The following ECD variants were observed in gnomAD, a reference collection of about 807,000 sequenced individuals.
ECD encodes the protein protein ecdysoneless homolog.
A neutral mutation model predicts 77.2 loss-of-function variants in ECD; 59 were observed. That is an observed-to-expected ratio of 0.76 (90% CI 0.62 to 0.95). The LOEUF is 0.95. Among genes scored for constraint, ECD ranks in the 40% least tolerant of loss-of-function variants. The probability of loss-of-function intolerance (pLI) is 0.00; values close to 1 mark genes in which losing one functional copy is unlikely to be tolerated. For missense variants in ECD, 704 were observed against 763.4 expected, an observed-to-expected ratio of 0.92 and a Z score of 0.92; for synonymous variants, 233 against 267.4, an observed-to-expected ratio of 0.87 and a Z score of 1.26.
chr10:73,139,568 C>T lies in ECD; in HGVS notation c.1234+63G>A, dbSNP rs193279143. ...CCTCTTAGGAGAGGATCCTGTGAGA[C>T]TGAGTAGAACATTTTAATTTTTTTT... On this transcript the variant is annotated intron_variant, in intron 10 of 13. Coordinates refer to ENST00000372979, the MANE Select transcript of ECD (RefSeq NM_007265.3). 336 of 1,584,646 alleles carry T rather than the reference C, an allele frequency of 2.1e-4. 3 individuals carry two copies. The East Asian group carries it at 6.6e-3, about 31-fold the overall frequency.
At chr10:73,151,072 C>G (rs1238936455) in intron 7 of ECD, among the ~76,000 whole-genome samples, 3 of 152,214 alleles carry the variant, frequency 2.0e-5, no homozygotes, top group Middle Eastern at 3.4e-3. Context: ...AAGACACATG[C>G]ACACGTATGT....
At chr10:73,161,549 G>A (rs928377469) in intron 2 of ECD, among the ~76,000 whole-genome samples, 2 of 152,140 alleles carry the variant, frequency 1.3e-5, no homozygotes, top group African/African-American at 4.8e-5. Context: ...TAAGGAGATT[G>A]AATCAATAAT....
At chr10:73,156,735 T>C (rs942566236) in intron 3 of ECD, 80 bp from the exon 4 acceptor site, 5 of 1,318,534 alleles carry the variant, frequency 3.8e-6, no homozygotes, top group Admixed American at 3.5e-5. Context: ...TCTAATACAT[T>C]TTCCTCTTCA....
At position 73,154,464 on chromosome 10, in the gene ECD, TAA is replaced by T. The variant is rs1351657234; in HGVS notation, c.591-18_591-17del. ...TTCTGGGTACCTGGGACAGGTAACATAATTACTTTCATTTTACAGTATATAAA... is the reference window on the plus strand; with the variant it reads ...TTCTGGGTACCTGGGACAGGTAACATTTACTTTCATTTTACAGTATATAAA... On this transcript the variant is annotated splice_polypyrimidine_tract_variant and intron_variant, in intron 5 of 13. Transcript: ENST00000372979. The T allele has an allele frequency of 1.3e-5, 21 of 1,590,260 alleles. No individual in the cohort carries two copies. The highest frequency in any genetic ancestry group is 1.8e-5 in the Admixed American group (1 of 55,028).
In ECD at chr10:73,139,728, A is replaced by G. The variant is rs753146821; in HGVS notation, c.1137T>C (p.Ala379=). ...TTAAGATTTCTTCACCAGGGCTCATAGCAAGAGAACTATGAAAAATAAAAA... is the reference window on the plus strand; with the variant it reads ...TTAAGATTTCTTCACCAGGGCTCATGGCAAGAGAACTATGAAAAATAAAAA... ...LSVDWPESSL[A]MSPGEEILTL... Residue 379 remains alanine (A), a synonymous_variant, in exon 10 of 14, where the codon GCT becomes GCC. Coordinates refer to ENST00000372979, the MANE Select transcript of ECD (RefSeq NM_007265.3). The G allele has an allele frequency of 1.9e-6, 3 of 1,598,166 alleles. No homozygotes were observed. The South Asian group carries it at 3.4e-5, about 18-fold the overall frequency.
intron 9 of ECD, chr10:73,141,328 C>A (rs1198760014): frequency 6.6e-6 from 1 of 152,186 alleles, no homozygotes; most frequent in Non-Finnish European, 1.4e-5. Flanking sequence ...ACAGTGAAAC[C>A]CCGTCTCTAC....
At chr10:73,159,499 G>A (rs1843345949) in intron 3 of ECD, among the ~76,000 whole-genome samples, 1 of 152,182 alleles carries the variant, frequency 6.6e-6, no homozygotes, top group Admixed American at 6.5e-5. Flanking sequence ...TGGGAAGCAA[G>A]AGCAGTAGAA....
At chr10:73,155,362 G>A (rs546996612) in intron 5 of ECD, among the ~76,000 whole-genome samples, 9 of 151,766 alleles carry the variant, frequency 5.9e-5, no homozygotes, top group African/African-American at 1.7e-4. Flanking sequence ...CACCGCGCCC[G>A]GCCAAAAATA....
At chr10:73,151,799 G>C (rs1319507504) in intron 7 of ECD, among the ~76,000 whole-genome samples, 1 of 152,096 alleles carries the variant, frequency 6.6e-6, no homozygotes, top group Non-Finnish European at 1.5e-5. Context: ...TTATGTATTA[G>C]AGAAGTCAGC....
At chr10:73,154,051 C>T (rs1252614325) in intron 6 of ECD, among the ~76,000 whole-genome samples, 1 of 152,128 alleles carries the variant, frequency 6.6e-6, no homozygotes, top group East Asian at 1.9e-4. Flanking sequence ...ATCTGAAATA[C>T]TTCTAGTCCC....
In ECD at chr10:73,148,341, G is replaced by A. The variant is rs1184004942; in HGVS notation, c.976C>T (p.Leu326Phe). ...GCCCAGAGTGGTGAGGCAGTCACAA[G>A]GGATTTCTTGCAGTCAGAAAAATGT... is the stretch of plus-strand genomic sequence containing the variant. ...SPHFSDCKKS[L>F]VTASPLWASF... is the part of the protein sequence containing the mutation. The change falls in exon 8 of 14, where the codon CTT (leucine) becomes TTT (phenylalanine). Residue 326 changes from leucine (L) to phenylalanine (F), a missense_variant. This residue lies in a region of ECD where 559 missense variants were observed against 583.7 expected (regional missense o/e 0.96). Transcript: ENST00000372979. 1 of 1,613,762 alleles carries A rather than the reference G, an allele frequency of 6.2e-7. No homozygotes were observed. The highest frequency in any genetic ancestry group is 8.5e-7 in the Non-Finnish European group (1 of 1,179,880).
At chr10:73,140,719 C>T (rs989857685) in intron 9 of ECD, among the ~76,000 whole-genome samples, 3 of 150,550 alleles carry the variant, frequency 2.0e-5, no homozygotes, top group African/African-American at 7.3e-5. Context: ...AGGATAGAAG[C>T]TCAGAGATCT....
At chr10:73,143,105 C>A (rs1843079137) in intron 9 of ECD, among the ~76,000 whole-genome samples, 1 of 152,160 alleles carries the variant, frequency 6.6e-6, no homozygotes, top group South Asian at 2.1e-4. Flanking sequence ...GGAATAGGGC[C>A]TGGCACATAG....
intron 5 of ECD, among the ~76,000 whole-genome samples, chr10:73,155,019 G>T (rs1050324601): frequency 2.0e-5 from 3 of 152,154 alleles, no homozygotes; most frequent in Non-Finnish European, 4.4e-5. Context: ...ATGGTACAAA[G>T]TATGCTGAAG....
At chr10:73,156,194 A>C in intron 5 of ECD, 81 bp downstream of exon 5, 2 of 1,358,546 alleles carry the variant, frequency 1.5e-6, no homozygotes, top group Non-Finnish European at 2.0e-6. Context: ...TTTAAGGAAA[A>C]CAAACAAAAA....
chr10:73,140,133 C>T (rs1225834721), intron 9 of ECD, among the ~76,000 whole-genome samples: 9 of 151,936 alleles, frequency 5.9e-5, no homozygotes, highest in Middle Eastern at 3.4e-3. Flanking sequence ...TACAGGCATG[C>T]GCCACCACAC....
chr10:73,145,657 C>CTTTTTT (rs748175828), intron 9 of ECD, among the ~76,000 whole-genome samples: 2 of 124,150 alleles, frequency 1.6e-5, no homozygotes, highest in African/African-American at 6.3e-5. Flanking sequence ...TATTGTGCAG[C>CTTTTTT]TTTTTTTTTT....
At chr10:73,164,126 A>T (rs1843418840) in intron 1 of ECD, among the ~76,000 whole-genome samples, 176 bp from the exon 2 acceptor site, 1 of 152,114 alleles carries the variant, frequency 6.6e-6, no homozygotes, top group Non-Finnish European at 1.5e-5. Flanking sequence ...ACTGGAGGTC[A>T]GGAGTTTGAG....
Position 73,136,937 on chromosome 10 carries a change from A to G in ECD, c.1490-19T>C, listed in dbSNP as rs1226527678. 11 of 1,369,768 alleles carry G rather than the reference A, an allele frequency of 8.0e-6. No homozygotes were observed. Among genetic ancestry groups the G allele is most frequent in the Non-Finnish European group, 9.7e-6 (10 of 1,029,832 alleles). The allele number at this position is 1,369,768 out of a possible 1,614,324, so 84.9% of individuals were successfully genotyped here. On this transcript the variant is annotated intron_variant, in intron 12 of 13. Transcript: ENST00000372979. Reference sequence around the variant, plus strand: ...CTTGGCCCTACACAGATCCCAAGAAAGAAAGAGCCACTTAGTAATTATTAT... The same window carrying G: ...CTTGGCCCTACACAGATCCCAAGAAGGAAAGAGCCACTTAGTAATTATTAT...
Sources: allele counts gnomAD v4.1 joint callset (sites outside exome capture counted in the v4.1 genomes callset), GRCh38; gene constraint gnomAD v4.1.1; regional missense constraint gnomAD v4.1.1; transcripts MANE v1.5; gene names NCBI Gene and HGNC (gene_info 2026-07-23, HGNC 2026-07-21).